The following JADE3 variants were observed in gnomAD, a reference collection of about 807,000 sequenced individuals.
The protein encoded by JADE3 is jade family PHD finger 3.
Under a neutral mutation model 50.1 loss-of-function variants are expected in JADE3, and 2 were observed. The observed-to-expected ratio is 0.04, with a 90% CI of 0.02 to 0.13. JADE3 has a LOEUF of 0.13. Ranked by LOEUF, JADE3 falls within the 10% of genes least tolerant of loss-of-function variation. JADE3 has a pLI of 1.00. For missense variants in JADE3, 475 were observed against 634.4 expected, an observed-to-expected ratio of 0.75 and a Z score of 2.70; for synonymous variants, 218 against 232.9, an observed-to-expected ratio of 0.94 and a Z score of 0.58.
intron 4 of JADE3, among the ~76,000 whole-genome samples, chrX:47,005,395 C>T (rs1412023257): frequency 1.8e-5 from 2 of 111,180 alleles, no homozygotes; most frequent in East Asian, 5.6e-4. Flanking sequence ...TGCACACCAT[C>T]ACACCCAGCT....
At chrX:47,014,818 A>G (rs1408234933) in intron 4 of JADE3, among the ~76,000 whole-genome samples, 1 of 112,134 alleles carries the variant, frequency 8.9e-6, no homozygotes, top group Non-Finnish European at 1.9e-5. Flanking sequence ...CAGTTTTTGA[A>G]ATTAAAAATA....
rs374831204 is a variant in JADE3 at position 47,012,622 on chromosome X, GT to G, written c.285-12091del. Among the ~76,000 whole-genome samples, 182 of 103,530 alleles carry G rather than the reference GT, an allele frequency of 1.8e-3. No individual in the cohort carries two copies. The South Asian group carries it at 0.026, about 15-fold the overall frequency. The allele number at this position is 103,530 out of a possible 115,157, so 89.9% of individuals were successfully genotyped here. A position where few individuals can be genotyped will look rare whatever the true frequency, so the allele number is the denominator to read the frequency against. The stretch of plus-strand genomic sequence containing the variant: ...AATTGTGATGAAGTCCAGTTTATCT[GT>G]TTTTTTTTTTGTTGTTGTTGTTGTT... On this transcript the variant is annotated intron_variant, in intron 4 of 10. Coordinates refer to ENST00000614628, the MANE Select transcript of JADE3 (RefSeq NM_014735.5).
chrX:47,037,737 TG>T (rs1556368353), intron 7 of JADE3, among the ~76,000 whole-genome samples: 1 of 112,702 alleles, frequency 8.9e-6, no homozygotes, highest in African/African-American at 3.2e-5. Flanking sequence ...TCATGAAACA[TG>T]GGGTATTCAT....
intron 6 of JADE3, 84 bp from the exon 7 acceptor site, chrX:47,033,537 T>C: frequency 1.4e-6 from 1 of 737,286 alleles, no homozygotes; most frequent in Non-Finnish European, 1.9e-6. Flanking sequence ...AAGCAGAGGA[T>C]ACTCTGTGAC....
intron 4 of JADE3, among the ~76,000 whole-genome samples, chrX:47,023,961 A>G (rs1452377386): frequency 8.9e-6 from 1 of 112,608 alleles, no homozygotes; most frequent in Non-Finnish European, 1.9e-5. Context: ...ATCACCATGT[A>G]AGTGAGTGAC....
intron 4 of JADE3, among the ~76,000 whole-genome samples, chrX:47,000,244 A>G (rs1011556927): frequency 5.4e-5 from 6 of 111,457 alleles, no homozygotes; most frequent in Non-Finnish European, 7.5e-5. Flanking sequence ...AGCATCATGA[A>G]TGAACATATG....
At chrX:46,950,358 G>A (rs1259101556) in intron 1 of JADE3, among the ~76,000 whole-genome samples, 1 of 112,330 alleles carries the variant, frequency 8.9e-6, no homozygotes, top group Non-Finnish European at 1.9e-5. Context: ...TTGTAGATGT[G>A]GACATTTCAT....
At chrX:46,917,858 C>CTCA (rs1926133174) in intron 1 of JADE3, among the ~76,000 whole-genome samples, 2 of 22,829 alleles carry the variant, frequency 8.8e-5, no homozygotes, top group African/African-American at 1.1e-4. Flanking sequence ...TCTCTCTCAT[C>CTCA]CTCTCTCTCT....
chrX:47,014,297 T>C (rs1928625764), intron 4 of JADE3, among the ~76,000 whole-genome samples: 1 of 112,240 alleles, frequency 8.9e-6, no homozygotes, highest in Non-Finnish European at 1.9e-5. Flanking sequence ...TTTGTGCTGT[T>C]AATCATCAGT....
chrX:46,965,890 G>A (rs920682458), intron 1 of JADE3, among the ~76,000 whole-genome samples: 7 of 111,944 alleles, frequency 6.3e-5, no homozygotes, highest in East Asian at 2.8e-4. Flanking sequence ...TCTCTTGACC[G>A]TGGAGGCACA....
rs1273549311 is a variant in JADE3, at chrX:46,999,472, C to CAT, written c.284+1207_284+1208dup. Among the ~76,000 whole-genome samples, 16 of 99,681 alleles carry CAT rather than the reference C, an allele frequency of 1.6e-4. No homozygotes were observed. In the South Asian group the frequency reaches 3.5e-3, roughly 22 times the overall value. The allele number at this position is 99,681 out of a possible 115,157, so 86.6% of individuals were successfully genotyped here. On this transcript the variant is annotated intron_variant, in intron 4 of 10. Transcript: ENST00000614628. ...ATATAACATATATATACATATATAA[C>CAT]ATATATATATATAAAATAGGGTCTT...
At chrX:47,023,214 A>G (rs912798736) in intron 4 of JADE3, among the ~76,000 whole-genome samples, 1 of 111,430 alleles carries the variant, frequency 9.0e-6, no homozygotes, top group Non-Finnish European at 1.9e-5. Context: ...AAATCATCCC[A>G]TCACCAAGCT....
chrX:46,976,303 G>A (rs961003584), intron 1 of JADE3, among the ~76,000 whole-genome samples: 7 of 111,681 alleles, frequency 6.3e-5, no homozygotes, highest in South Asian at 3.8e-4. Context: ...CCACCAAACC[G>A]CAGGCTTAGG....
At position 47,061,112 on chromosome X, in the gene JADE3, T is replaced by C. The variant is rs1237737555; in HGVS notation, c.*2035T>C. On this transcript the variant is annotated 3_prime_UTR_variant, in exon 11 of 11. Transcript: ENST00000614628. Reference sequence around the variant, plus strand: ...TTGCTACATTTTGTTGTTTGAAGTATTACCTCTTAACCTTCTTTGTTAATT... The same window carrying C: ...TTGCTACATTTTGTTGTTTGAAGTACTACCTCTTAACCTTCTTTGTTAATT... The C allele has an allele frequency of 8.9e-6, 1 of 112,290 alleles. No homozygotes were observed. Among genetic ancestry groups the C allele is most frequent in the Non-Finnish European group, 1.9e-5 (1 of 53,203 alleles). 9.3% of individuals were successfully genotyped at this position (112,290 alleles called of 1,213,427 possible). A position where few individuals can be genotyped will look rare whatever the true frequency, so the allele number is the denominator to read the frequency against.
intron 1 of JADE3, among the ~76,000 whole-genome samples, chrX:46,978,633 A>C (rs782735537): frequency 9.0e-6 from 1 of 111,706 alleles, no homozygotes; most frequent in South Asian, 3.8e-4. Flanking sequence ...GCAGTTGATG[A>C]GGCCTGAGAG....
At chrX:46,952,594 A>G (rs1927029027) in intron 1 of JADE3, among the ~76,000 whole-genome samples, 1 of 112,195 alleles carries the variant, frequency 8.9e-6, no homozygotes, top group Admixed American at 9.4e-5. Context: ...GGTACTTTCT[A>G]CTTTTCCAGG....
In JADE3 at chrX:47,054,586, T is replaced by C. The variant is rs1929596012; in HGVS notation, c.1401T>C (p.Thr467=). The part of the protein sequence containing the change: ...LVQPKEESIH[T]RMRMFMHLRQ... The stretch of plus-strand genomic sequence containing the variant: ...AGCCAAAAGAGGAAAGCATTCACAC[T>C]CGAATGAGAATGTTTATGCATCTAC... The change falls in exon 9 of 11, where the codon ACT becomes ACC. Residue 467 remains threonine, a synonymous_variant. Coordinates refer to ENST00000614628, the MANE Select transcript of JADE3 (RefSeq NM_014735.5). 1 of 1,206,509 alleles carries C rather than the reference T, an allele frequency of 8.3e-7. No individual in the cohort carries two copies. Among genetic ancestry groups the C allele is most frequent in the Admixed American group, 2.2e-5 (1 of 45,650 alleles).
In JADE3 at chrX:47,033,611, A is replaced by G. The variant is rs1929068533; in HGVS notation, c.688-10A>G. 1.7e-6 allele frequency: 2 copies of G among 1,199,606 alleles called. No homozygotes were observed. The highest frequency in any genetic ancestry group is 2.3e-6 in the Non-Finnish European group (2 of 888,453). ...CTGACCATTCTCCCCTCTCCTCCTC[A>G]TACCTCCAGGCCTGCTATGGCATCC... On this transcript the variant is annotated splice_polypyrimidine_tract_variant and intron_variant, in intron 6 of 10. Coordinates refer to ENST00000614628, the MANE Select transcript of JADE3 (RefSeq NM_014735.5).
intron 1 of JADE3, among the ~76,000 whole-genome samples, chrX:46,941,765 A>G (rs1333977785): frequency 9.4e-6 from 1 of 106,135 alleles, no homozygotes; most frequent in Non-Finnish European, 1.9e-5. Flanking sequence ...ACAGGGACTC[A>G]CTCTGTTGCC....
Sources: allele counts gnomAD v4.1 joint callset (sites outside exome capture counted in the v4.1 genomes callset), GRCh38; gene constraint gnomAD v4.1.1; transcripts MANE v1.5; gene names NCBI Gene and HGNC (gene_info 2026-07-23, HGNC 2026-07-21).